The following PPP2R5D variants were observed in gnomAD, a reference collection of about 807,000 sequenced individuals.
PPP2R5D encodes the protein protein phosphatase 2 regulatory subunit B'delta.
A neutral mutation model predicts 79.1 loss-of-function variants in PPP2R5D; 12 were observed. The ratio of observed to expected loss-of-function variants is 0.15; its 90% confidence interval spans 0.10 to 0.25. PPP2R5D has a LOEUF of 0.25. Ranked by LOEUF, PPP2R5D falls within the 10% of genes least tolerant of loss-of-function variation. The probability of loss-of-function intolerance (pLI) is 1.00; values close to 1 mark genes in which losing one functional copy is unlikely to be tolerated. For missense variants in PPP2R5D, 419 were observed against 760.2 expected, an observed-to-expected ratio of 0.55 and a Z score of 5.28; for synonymous variants, 277 against 286.6, an observed-to-expected ratio of 0.97 and a Z score of 0.34.
intron 2 of PPP2R5D, among the ~76,000 whole-genome samples, chr6:42,996,797 T>C (rs1771725879): frequency 6.6e-6 from 1 of 152,234 alleles, no homozygotes; most frequent in South Asian, 2.1e-4. Context: ...CAACACTAGA[T>C]GGAGCTCTGG....
chr6:43,005,366 C>G (rs748472291), intron 2 of PPP2R5D, among the ~76,000 whole-genome samples: 54 of 151,716 alleles, frequency 3.6e-4, no homozygotes, highest in Non-Finnish European at 6.0e-4. Flanking sequence ...TCATGGGAGA[C>G]TTGAACTCCT....
At chr6:42,989,735 C>A (rs748450180) in intron 2 of PPP2R5D, 47 bp downstream of exon 2, 12 of 1,536,520 alleles carry the variant, frequency 7.8e-6, no homozygotes, top group Middle Eastern at 2.0e-4. Context: ...GTGCCACCCG[C>A]AACTCCATGA....
chr6:43,011,015 G>A lies in PPP2R5D; in HGVS notation c.1671+18G>A. The A allele has an allele frequency of 6.2e-7, 1 of 1,611,068 alleles. No individual in the cohort carries two copies. Among genetic ancestry groups the A allele is most frequent in the Non-Finnish European group, 8.5e-7 (1 of 1,177,256 alleles). On this transcript the variant is annotated intron_variant, in intron 15 of 15. Coordinates refer to ENST00000485511, the MANE Select transcript of PPP2R5D (RefSeq NM_006245.4). ...CTGTTCAGGTGGGAGGGCAATGTAG[G>A]GGGATGGAGCAGAAATAATAGCTCT...
intron 2 of PPP2R5D, among the ~76,000 whole-genome samples, chr6:42,991,961 G>A (rs1771294223): frequency 6.6e-6 from 1 of 152,196 alleles, no homozygotes; most frequent in Non-Finnish European, 1.5e-5. Context: ...CCATGATTTT[G>A]TAGAAATGTA....
chr6:42,997,611 G>A (rs937370264), intron 2 of PPP2R5D, among the ~76,000 whole-genome samples: 1 of 152,094 alleles, frequency 6.6e-6, no homozygotes. Flanking sequence ...CCGGGTTCAA[G>A]CAATTCTCCT....
In PPP2R5D at chr6:43,006,271, G is replaced by T. The variant is rs891216210; in HGVS notation, c.106-192G>T. On this transcript the variant is annotated intron_variant, in intron 2 of 15. Coordinates refer to ENST00000485511, the MANE Select transcript of PPP2R5D (RefSeq NM_006245.4). This position sits in a 1 kb window ranked among gnomAD's most constrained non-coding sequence, Gnocchi z 4.7. ...CAGTGGGCATCTCTTTGGGTGATGT[G>T]ACTTCTTGACTGCTCCCTGCCAGGG... Among the ~76,000 whole-genome samples the T allele has an allele frequency of 1.3e-5, 2 of 152,232 alleles. No homozygotes were observed. Among genetic ancestry groups the T allele is most frequent in the Admixed American group, 6.5e-5 (1 of 15,284 alleles).
chr6:43,011,337 G>A lies in PPP2R5D; in HGVS notation c.*51G>A. On this transcript the variant is annotated 3_prime_UTR_variant, in exon 16 of 16. Coordinates refer to ENST00000485511, the MANE Select transcript of PPP2R5D (RefSeq NM_006245.4). ...ACAGCCCACACAGCCCTGGGACACT[G>A]CCCTGGCCCTCCATACTCTGCTCCC... 6.2e-7 allele frequency: 1 copy of A among 1,608,662 alleles called. No individual in the cohort carries two copies. The highest frequency in any genetic ancestry group is 8.5e-7 in the Non-Finnish European group (1 of 1,177,636).
At chr6:42,998,058 T>TATATA (rs1391790699) in intron 2 of PPP2R5D, among the ~76,000 whole-genome samples, 1 of 10,688 alleles carries the variant, frequency 9.4e-5, no homozygotes, top group Non-Finnish European at 1.8e-4. Context: ...TATATATATA[T>TATATA]TTTTTTTTTT....
In PPP2R5D at chr6:43,010,957, T is replaced by C; in HGVS notation, c.1631T>C (p.Ile544Thr). ...METETPTAED[I>T]QLLKRTVETE... The stretch of plus-strand genomic sequence containing the variant: ...ACAGAGACCCCCACAGCTGAGGACA[T>C]CCAGCTTCTGAAGAGGACTGTGGAG... Residue 544 changes from isoleucine to threonine, a missense_variant, in exon 15 of 16, where the codon ATC (isoleucine) becomes ACC (threonine). Physicochemically the swap from Ile to Thr is moderately conservative, Grantham distance 89. This residue lies in a region of PPP2R5D where 84 missense variants were observed against 105.4 expected (regional missense o/e 0.80). Transcript: ENST00000485511. This position sits in a 1 kb window ranked among gnomAD's most constrained non-coding sequence, Gnocchi z 4.7. The C allele has an allele frequency of 1.2e-6, 2 of 1,614,104 alleles. No homozygotes were observed. The highest frequency in any genetic ancestry group is 1.7e-6 in the Non-Finnish European group (2 of 1,180,008).
At chr6:42,987,573 G>C (rs1770945203) in intron 1 of PPP2R5D, among the ~76,000 whole-genome samples, 1 of 152,178 alleles carries the variant, frequency 6.6e-6, no homozygotes, top group Admixed American at 6.6e-5. Context: ...CAGCCAGTAA[G>C]AGTTGGGCCC....
intron 2 of PPP2R5D, among the ~76,000 whole-genome samples, chr6:42,994,017 GA>G (rs1429947424): frequency 2.6e-5 from 4 of 152,170 alleles, no homozygotes; most frequent in Non-Finnish European, 5.9e-5. Flanking sequence ...CTGAGGCTTA[GA>G]AATGTTAACT....
chr6:42,985,351 C>G (rs1770758176), intron 1 of PPP2R5D, among the ~76,000 whole-genome samples: 1 of 152,226 alleles, frequency 6.6e-6, no homozygotes, highest in Non-Finnish European at 1.5e-5. Flanking sequence ...TGGAAGGGAC[C>G]TCTGAGCGCA....
intron 2 of PPP2R5D, among the ~76,000 whole-genome samples, chr6:42,998,036 TATATATA>T (rs1771864219): frequency 3.0e-5 from 1 of 33,036 alleles, no homozygotes; most frequent in Non-Finnish European, 8.3e-5. Context: ...TATATATATA[TATATATA>T]TATATATATA....
At chr6:42,986,276 C>T (rs985032208) in intron 1 of PPP2R5D, among the ~76,000 whole-genome samples, 26 of 152,206 alleles carry the variant, frequency 1.7e-4, no homozygotes, top group Non-Finnish European at 3.1e-4. Context: ...CCAGCTTCTC[C>T]TCTCCTGGGG....
chr6:42,984,780 G>C (rs1387700978), intron 1 of PPP2R5D, 76 bp downstream of exon 1: 2 of 1,599,618 alleles, frequency 1.3e-6, no homozygotes, highest in African/African-American at 2.7e-5. Context: ...AGCCAGGCCC[G>C]GGACAGCCCC....
At chr6:43,001,781 G>A (rs962363827) in intron 2 of PPP2R5D, among the ~76,000 whole-genome samples, 2 of 151,934 alleles carry the variant, frequency 1.3e-5, no homozygotes, top group South Asian at 2.1e-4. Flanking sequence ...CAGCTACTCC[G>A]GAGGCTGAGG....
At position 42,984,851 on chromosome 6, in the gene PPP2R5D, C is replaced by G. The variant is rs1770709518; in HGVS notation, c.27+147C>G. 5 of 1,293,432 alleles carry G rather than the reference C, an allele frequency of 3.9e-6. No individual in the cohort carries two copies. The South Asian group carries it at 7.7e-5, about 20-fold the overall frequency. 80.1% of individuals were successfully genotyped at this position (1,293,432 alleles called of 1,614,324 possible). ...TGGGGCCAGCCCTCCGCCCCCGCGG[C>G]TGGCAGCACCCCCAGCTTGTGCCGC... On this transcript the variant is annotated intron_variant, in intron 1 of 15. Transcript: ENST00000485511.
chr6:43,007,067 G>A lies in PPP2R5D; in HGVS notation c.479G>A (p.Arg160His), dbSNP rs370834231. Reference sequence around the variant, plus strand: ...ATGGTGGAGTACATCACCCATAGCCGTGATGTTGTCACTGAGGCCATTTAC... The same window carrying A: ...ATGGTGGAGTACATCACCCATAGCCATGATGTTGTCACTGAGGCCATTTAC... ...NEMVEYITHS[R>H]DVVTEAIYPE... Residue 160 changes from arginine to histidine, a missense_variant, in exon 4 of 16, where the codon CGT becomes CAT. Transcript: ENST00000485511. The surrounding 1 kb of genome is among the most constrained non-coding windows in gnomAD (Gnocchi z 4.5). 144 of 1,613,996 alleles carry A rather than the reference G, an allele frequency of 8.9e-5. No individual in the cohort carries two copies. Among genetic ancestry groups the A allele is most frequent in the Non-Finnish European group, 1.1e-4 (133 of 1,180,034 alleles).
chr6:43,008,794 A>T lies in PPP2R5D; in HGVS notation c.1080+48A>T. 1.3e-6 allele frequency: 2 copies of T among 1,575,830 alleles called. No homozygotes were observed. The highest frequency in any genetic ancestry group is 8.7e-7 in the Non-Finnish European group (1 of 1,147,436). On this transcript the variant is annotated intron_variant, in intron 10 of 15. Coordinates refer to ENST00000485511, the MANE Select transcript of PPP2R5D (RefSeq NM_006245.4). This position sits in a 1 kb window ranked among gnomAD's most constrained non-coding sequence, Gnocchi z 4.2. ...AGGCCCACCTCTTACTGTCAGCATC[A>T]CTTGCCAGTCTGTACCTACTGGGGG...
Sources: gnomAD v4.1 joint callset for allele counts (sites outside exome capture counted in the v4.1 genomes callset) on GRCh38, gnomAD v4.1.1 for gene constraint, gnomAD v4.1.1 regional missense constraint, Gnocchi (gnomAD v3.1) non-coding constraint, MANE v1.5 for transcripts, NCBI Gene and HGNC (gene_info 2026-07-23, HGNC 2026-07-21) for gene names.